ZNF844: variants seen among roughly 807,000 people sequenced by gnomAD.
ZNF844 encodes zinc finger protein 844.
A neutral mutation model predicts 11.4 loss-of-function variants in ZNF844; 11 were observed. The ratio of observed to expected loss-of-function variants is 0.97; its 90% CI spans 0.61 to 1.60. The LOEUF is 1.60. Among genes scored for constraint, ZNF844 ranks in the 40% most tolerant of loss-of-function variants. The probability of loss-of-function intolerance (pLI) is 0.00; values close to 1 mark genes in which losing one functional copy is unlikely to be tolerated. For synonymous variants in ZNF844, 248 were observed against 260.3 expected (o/e 0.95, Z 0.46); for missense variants, 790 against 796.8 (o/e 0.99, Z 0.10).
In ZNF844 at chr19:12,064,842, T is replaced by C. The variant is rs1317471486; in HGVS notation, c.-32T>C. The C allele has an allele frequency of 6.5e-7, 1 of 1,549,032 alleles. No homozygotes were observed. The highest frequency in any genetic ancestry group is 2.5e-5 in the East Asian group (1 of 39,864). ...GCCCTGTCGTCTGTGTTGTGACTGC[T>C]TTGGACGTGGGAGTCACCTGAAAGC... On this transcript the variant is annotated 5_prime_UTR_variant, in exon 1 of 4. Transcript: ENST00000439326.
chr19:12,068,261 A>T (rs1049288139), intron 1 of ZNF844, among the ~76,000 whole-genome samples: 2 of 152,170 alleles, frequency 1.3e-5, no homozygotes, highest in Non-Finnish European at 2.9e-5. Flanking sequence ...GTGAGGCATG[A>T]TCATGCCACT....
rs201752670 is a variant in ZNF844, at chr19:12,074,045, C to T, written c.18C>T (p.Phe6=). The part of the protein sequence containing the change: MDLVA[F]EDVAVNFTQE... ...GGATGTTTCAGGACTTGGTGGCTTT[C>T]GAGGATGTGGCTGTGAACTTCACCC... The change falls in exon 2 of 4, where the codon TTC becomes TTT. Residue 6 remains phenylalanine, a synonymous_variant. Coordinates refer to ENST00000439326, the MANE Select transcript of ZNF844 (RefSeq NM_001136501.3). 1.6e-4 allele frequency: 261 copies of T among 1,612,894 alleles called. No homozygotes were observed. Among genetic ancestry groups the T allele is most frequent in the East Asian group, 6.9e-4 (31 of 44,826 alleles).
rs1023928137 is a variant in ZNF844 at position 12,077,987 on chromosome 19, C to G, written c.*866C>G. 1.2e-5 allele frequency: 2 copies of G among 170,544 alleles called. No individual in the cohort carries two copies. The highest frequency in any genetic ancestry group is 5.6e-3 in the Middle Eastern group (2 of 356). The allele number at this position is 170,544 out of a possible 1,614,324, so 10.6% of individuals were successfully genotyped here. A position where few individuals can be genotyped will look rare whatever the true frequency, so the allele number is the denominator to read the frequency against. ...GGGACTACAGGTGCCTGCCACCACA[C>G]CCGGCTGATTTTTTGTATTTTTTAG... On this transcript the variant is annotated 3_prime_UTR_variant, in exon 4 of 4. Transcript: ENST00000439326.
chr19:12,070,802 C>G (rs1975745946), intron 1 of ZNF844, among the ~76,000 whole-genome samples: 1 of 152,122 alleles, frequency 6.6e-6, no homozygotes, highest in South Asian at 2.1e-4. Flanking sequence ...AGAAATTGAA[C>G]TCAACCTGAA....
rs1975838911 is a variant in ZNF844 at position 12,077,229 on chromosome 19, G to A, written c.*108G>A. On this transcript the variant is annotated 3_prime_UTR_variant, in exon 4 of 4. Transcript: ENST00000439326. ...GAAACCCTATGAGTGTAAGCAGTGT[G>A]GTAAAGCCTTCATTTCTTCCACTGC... The A allele has an allele frequency of 6.4e-7, 1 of 1,572,382 alleles. No individual in the cohort carries two copies. Among genetic ancestry groups the A allele is most frequent in the South Asian group, 1.1e-5 (1 of 89,492 alleles).
At chr19:12,065,529 C>T (rs1409932856) in intron 1 of ZNF844, among the ~76,000 whole-genome samples, 1 of 152,058 alleles carries the variant, frequency 6.6e-6, no homozygotes, top group African/African-American at 2.4e-5. Context: ...AAATGTTTGA[C>T]ACGAGATGGA....
Position 12,075,832 on chromosome 19 carries a change from A to G in ZNF844, c.712A>G (p.Thr238Ala), listed in dbSNP as rs965734450. 2 of 1,610,640 alleles carry G rather than the reference A, an allele frequency of 1.2e-6. No homozygotes were observed. The highest frequency in any genetic ancestry group is 1.3e-5 in the African/African-American group (1 of 74,862). Residue 238 changes from threonine (T) to alanine (A), a missense_variant, in exon 4 of 4, where the codon ACT becomes GCT. By Grantham distance (58) the Thr-to-Ala change is moderately conservative. Around this residue, in one of 3 missense-constraint regions of ZNF844, gnomAD observed 657 missense variants for 636.2 expected, o/e 1.03. Transcript: ENST00000439326. ...ATGTGGTAAAGCCTTTAGTTATTCA[A>G]CTTCCCTTCAAATACATGAAAGAAC... Reference protein sequence around the residue: ...KQCGKAFSYSTSLQIHERTHT... With the variant: ...KQCGKAFSYSASLQIHERTHT...
chr19:12,072,161 C>T lies in ZNF844; in HGVS notation c.4-1870C>T, dbSNP rs1038528403. 2.6e-4 allele frequency among the ~76,000 whole-genome samples: 40 copies of T among 152,176 alleles called. 1 individual carries two copies. The highest frequency in any genetic ancestry group is 7.2e-4 in the African/African-American group (30 of 41,454). ...TCGGCCTCCCAAAGTGCTGGGATTA[C>T]GGGCATGAGCCACTGCATCCAGCTG... is the stretch of plus-strand genomic sequence containing the variant. On this transcript the variant is annotated intron_variant, in intron 1 of 3. Coordinates refer to ENST00000439326, the MANE Select transcript of ZNF844 (RefSeq NM_001136501.3).
In ZNF844 at chr19:12,076,057, A is replaced by G; in HGVS notation, c.937A>G (p.Lys313Glu). Residue 313 changes from lysine to glutamate, a missense_variant, in exon 4 of 4, where the codon AAA (lysine) becomes GAA (glutamate). This residue lies in a region of ZNF844 where 657 missense variants were observed against 636.2 expected (regional missense o/e 1.03). Transcript: ENST00000439326. ...HSEEKAYECT[K>E]CGKAFKCPSY... ...TGAGGAGAAGGCTTATGAATGTACC[A>G]AATGTGGGAAAGCATTCAAGTGTCC... The G allele has an allele frequency of 6.4e-7, 1 of 1,563,772 alleles. No homozygotes were observed. The highest frequency in any genetic ancestry group is 8.7e-7 in the Non-Finnish European group (1 of 1,153,544).
chr19:12,074,657 G>C (rs1975787145), intron 3 of ZNF844, among the ~76,000 whole-genome samples: 1 of 152,186 alleles, frequency 6.6e-6, no homozygotes, highest in South Asian at 2.1e-4. Flanking sequence ...CCTGGAGTTT[G>C]AGAAGAGCCT....
intron 3 of ZNF844, 88 bp from the exon 4 acceptor site, chr19:12,075,216 AAATAAAAT>A (rs1210372849): frequency 2.2e-6 from 2 of 893,388 alleles, no homozygotes; most frequent in African/African-American, 3.6e-5. Flanking sequence ...TAATAAAATA[AAATAAAAT>A]AAAATAAAAT....
chr19:12,071,723 ATAATT>A (rs1283637828), intron 1 of ZNF844, among the ~76,000 whole-genome samples: 2 of 150,830 alleles, frequency 1.3e-5, no homozygotes, highest in African/African-American at 4.9e-5. Context: ...ACTTGGTACA[ATAATT>A]TATTATTGTA....
chr19:12,078,859 CTT>C lies in ZNF844; in HGVS notation c.*1746_*1747del. ...GATAGGCCTCTCTCCCCGTTCATTT[CTT>C]TTTTTTTGAGACGGAGTCTTGCTCT... On this transcript the variant is annotated 3_prime_UTR_variant, in exon 4 of 4. Transcript: ENST00000439326. 6.6e-6 allele frequency: 1 copy of C among 151,622 alleles called. No homozygotes were observed. The highest frequency in any genetic ancestry group is 1.5e-5 in the Non-Finnish European group (1 of 67,830). The allele number at this position is 151,622 out of a possible 1,614,324, so 9.4% of individuals were successfully genotyped here. A position where few individuals can be genotyped will look rare whatever the true frequency, so the allele number is the denominator to read the frequency against.
chr19:12,081,406 T>A lies in ZNF844; in HGVS notation c.*4285T>A, dbSNP rs1364925190. 1 of 152,236 alleles carries A rather than the reference T, an allele frequency of 6.6e-6. No homozygotes were observed. The allele number at this position is 152,236 out of a possible 1,614,324, so 9.4% of individuals were successfully genotyped here. A position where few individuals can be genotyped will look rare whatever the true frequency, so the allele number is the denominator to read the frequency against. Reference sequence around the variant, plus strand: ...GTCTCCATTTATTTTCAATTATGTTTGATTATATTTGATTAAAAACAATAA... The same window carrying A: ...GTCTCCATTTATTTTCAATTATGTTAGATTATATTTGATTAAAAACAATAA... On this transcript the variant is annotated 3_prime_UTR_variant, in exon 4 of 4. Transcript: ENST00000439326.
intron 1 of ZNF844, among the ~76,000 whole-genome samples, chr19:12,068,021 A>G (rs1477178301): frequency 6.6e-6 from 1 of 150,554 alleles, no homozygotes; most frequent in Non-Finnish European, 1.5e-5. Context: ...ATAGCCAGGC[A>G]TAGTGCCTCA....
At position 12,078,736 on chromosome 19, in the gene ZNF844, G is replaced by T. The variant is rs1014882091; in HGVS notation, c.*1615G>T. ...TTCAAAGAGGGTATAATTCACAAAA[G>T]GACTTACACTAGAGGAAAACCCTAT... On this transcript the variant is annotated 3_prime_UTR_variant, in exon 4 of 4. Transcript: ENST00000439326. The T allele has an allele frequency of 7.9e-5, 12 of 152,292 alleles. No individual in the cohort carries two copies. Among genetic ancestry groups the T allele is most frequent in the African/African-American group, 2.9e-4 (12 of 41,416 alleles). 9.4% of individuals were successfully genotyped at this position (152,292 alleles called of 1,614,324 possible). A position where few individuals can be genotyped will look rare whatever the true frequency, so the allele number is the denominator to read the frequency against.
Position 12,077,399 on chromosome 19 carries a change from T to G in ZNF844, c.*278T>G. 2 of 714,852 alleles carry G rather than the reference T, an allele frequency of 2.8e-6. No individual in the cohort carries two copies. The highest frequency in any genetic ancestry group is 1.9e-5 in the Admixed American group (1 of 52,182). The allele number at this position is 714,852 out of a possible 1,614,324, so 44.3% of individuals were successfully genotyped here. ...AACAGTATGAGTGTAAGCAGTGTGG[T>G]AAAGCCTTCATGTCTTCTACTGCAT... On this transcript the variant is annotated 3_prime_UTR_variant, in exon 4 of 4. Transcript: ENST00000439326.
chr19:12,075,801 TA>T lies in ZNF844; in HGVS notation c.684del (p.Lys228AsnfsTer102), dbSNP rs1190327130. The T allele has an allele frequency of 2.5e-6, 4 of 1,611,788 alleles. No individual in the cohort carries two copies. In the Admixed American group the frequency reaches 5.0e-5, roughly 20 times the overall value. On this transcript the variant is annotated frameshift_variant, in exon 4 of 4. Coordinates refer to ENST00000439326, the MANE Select transcript of ZNF844 (RefSeq NM_001136501.3). LOFTEE classifies it low-confidence loss of function (END_TRUNC). Reference sequence around the variant, plus strand: ...ACACTGGAGAGAAACCATATAAATGTAAACAATGTGGTAAAGCCTTTAGTTA... The same window carrying T: ...ACACTGGAGAGAAACCATATAAATGTAACAATGTGGTAAAGCCTTTAGTTA... ...VHTGEKPYKC[K>X]QCGKAFSYST... is the part of the protein sequence containing the mutation.
chr19:12,064,836 G>A lies in ZNF844; in HGVS notation c.-38G>A, dbSNP rs1384469521. 15 of 1,548,900 alleles carry A rather than the reference G, an allele frequency of 9.7e-6. No individual in the cohort carries two copies. The highest frequency in any genetic ancestry group is 1.2e-5 in the Non-Finnish European group (14 of 1,146,118). On this transcript the variant is annotated 5_prime_UTR_variant, in exon 1 of 4. Transcript: ENST00000439326. ...TCTGTCGCCCTGTCGTCTGTGTTGT[G>A]ACTGCTTTGGACGTGGGAGTCACCT... is the stretch of plus-strand genomic sequence containing the variant.
Sources: gnomAD v4.1 joint callset for allele counts (sites outside exome capture counted in the v4.1 genomes callset) on GRCh38, gnomAD v4.1.1 for gene constraint, gnomAD v4.1.1 regional missense constraint, MANE v1.5 for transcripts, NCBI Gene and HGNC (gene_info 2026-07-23, HGNC 2026-07-21) for gene names.